OSBP2: variants seen among roughly 807,000 people sequenced by gnomAD.
The protein encoded by OSBP2 is oxysterol-binding protein 2.
OSBP2 carries 66 observed loss-of-function variants against 96.0 expected under a neutral mutation model. The ratio of observed to expected loss-of-function variants is 0.69; its 90% CI spans 0.56 to 0.84. OSBP2 has a LOEUF of 0.84. OSBP2 is among the 40% of genes least tolerant of loss of function. The probability of loss-of-function intolerance (pLI) is 0.00; values close to 1 mark genes in which losing one functional copy is unlikely to be tolerated. For missense variants in OSBP2, 1,038 were observed against 1,222.7 expected (o/e 0.85, Z 2.25); for synonymous variants, 525 against 520.9 (o/e 1.01, Z -0.11).
At chr22:30,792,648 C>T (rs1023246276) in intron 2 of OSBP2, among the ~76,000 whole-genome samples, 1 of 152,294 alleles carries the variant, frequency 6.6e-6, no homozygotes, top group East Asian at 1.9e-4. Context: ...CTGTACTCTT[C>T]GGCCAATTAT....
intron 2 of OSBP2, among the ~76,000 whole-genome samples, chr22:30,861,828 G>T (rs1365790665): frequency 2.6e-5 from 4 of 152,246 alleles, no homozygotes; most frequent in South Asian, 2.1e-4. Context: ...AGGGGCCCTC[G>T]CCGCTTCTAT....
At chr22:30,707,357 A>G (rs2089270680) in intron 1 of OSBP2, among the ~76,000 whole-genome samples, 1 of 152,186 alleles carries the variant, frequency 6.6e-6, no homozygotes, top group Admixed American at 6.5e-5. Flanking sequence ...TTGACCTCCC[A>G]AAGTGTTAGG....
chr22:30,739,693 C>T (rs914137111), intron 1 of OSBP2, among the ~76,000 whole-genome samples: 6 of 152,114 alleles, frequency 3.9e-5, no homozygotes, highest in East Asian at 3.9e-4. Flanking sequence ...GCTGCCTAGA[C>T]GGAGGCGATT....
At chr22:30,803,082 G>A in intron 2 of OSBP2, 1 of 210,298 alleles carries the variant, frequency 4.8e-6, no homozygotes, top group Non-Finnish European at 9.3e-6. Flanking sequence ...CGCGGCGGCG[G>A]GAAGGCGGCG....
intron 1 of OSBP2, among the ~76,000 whole-genome samples, chr22:30,716,368 C>T (rs556332232): frequency 5.9e-4 from 90 of 152,072 alleles, no homozygotes; most frequent in African/African-American, 2.0e-3. Flanking sequence ...GCTTGTTGAT[C>T]GTTTGTATAA....
intron 12 of OSBP2, among the ~76,000 whole-genome samples, chr22:30,904,279 ACT>A (rs776568520): frequency 1.3e-5 from 2 of 152,030 alleles, no homozygotes; most frequent in Admixed American, 6.6e-5. Context: ...AATCCACAGA[ACT>A]CTCTCTCCTT....
In OSBP2 at chr22:30,905,853, A is replaced by T; in HGVS notation, c.2392A>T (p.Met798Leu). ...KYPLPENAEN[M>L]YYFSELALTL... The stretch of plus-strand genomic sequence containing the variant: ...CCGCCACAGGGAGAACGCGGAGAAC[A>T]TGTACTACTTCTCAGAGCTGGCCCT... Residue 798 changes from methionine (M) to leucine (L), a missense_variant, in exon 13 of 14, where the codon ATG becomes TTG. Transcript: ENST00000332585. The T allele has an allele frequency of 6.2e-7, 1 of 1,613,304 alleles. No homozygotes were observed. Among genetic ancestry groups the T allele is most frequent in the Non-Finnish European group, 8.5e-7 (1 of 1,179,632 alleles).
At chr22:30,841,488 A>G (rs184431452) in intron 2 of OSBP2, among the ~76,000 whole-genome samples, 65 of 152,356 alleles carry the variant, frequency 4.3e-4, no homozygotes, top group Admixed American at 2.9e-3. Flanking sequence ...TGCTACATGT[A>G]TCAGTACTTC....
intron 2 of OSBP2, among the ~76,000 whole-genome samples, chr22:30,858,207 C>T (rs952802200): frequency 2.0e-4 from 30 of 149,076 alleles, no homozygotes; most frequent in Non-Finnish European, 3.5e-4. Flanking sequence ...ACTGCAGTGG[C>T]GCAATCTCGG....
rs199741150 is a variant in OSBP2, at chr22:30,702,434, C to T, written c.644+6881C>T. 6.6e-5 allele frequency among the ~76,000 whole-genome samples: 10 copies of T among 152,074 alleles called. No homozygotes were observed. In the East Asian group the frequency reaches 7.7e-4, roughly 12 times the overall value. ...TTTGAGACCAGCCTGACCAACATGGCGAAATCCTGTCTGTACTAAAAATAC... is the reference window on the plus strand; with the variant it reads ...TTTGAGACCAGCCTGACCAACATGGTGAAATCCTGTCTGTACTAAAAATAC... On this transcript the variant is annotated intron_variant, in intron 1 of 13. Transcript: ENST00000332585.
intron 12 of OSBP2, among the ~76,000 whole-genome samples, chr22:30,895,616 G>C (rs1045684278): frequency 6.6e-6 from 1 of 152,132 alleles, no homozygotes; most frequent in Non-Finnish European, 1.5e-5. Flanking sequence ...CGCAGCCTCG[G>C]AAGTTTTGCC....
chr22:30,753,743 A>G (rs1190456619), intron 2 of OSBP2, among the ~76,000 whole-genome samples: 1 of 152,210 alleles, frequency 6.6e-6, no homozygotes, highest in East Asian at 1.9e-4. Context: ...GAAAAGAGTT[A>G]TTATTGGACT....
In OSBP2 at chr22:30,742,115, C is replaced by T. The variant is rs987684078; in HGVS notation, c.853+746C>T. On this transcript the variant is annotated intron_variant, in intron 2 of 13. Transcript: ENST00000332585. ...GATTACAGGCATGAGCCACCGCGCC[C>T]GGCCAATAAATTTATTTTTTAAATA... Among the ~76,000 whole-genome samples, 9 of 151,780 alleles carry T rather than the reference C, an allele frequency of 5.9e-5. No individual in the cohort carries two copies. In the East Asian group the frequency reaches 5.9e-4, roughly 10 times the overall value.
Position 30,888,229 on chromosome 22 carries a change from T to A in OSBP2, c.1307T>A (p.Leu436His). Residue 436 changes from leucine (L) to histidine (H), a missense_variant, in exon 5 of 14, where the codon CTC becomes CAC. This residue lies in a region of OSBP2 where 737 missense variants were observed against 913.3 expected (regional missense o/e 0.81). Transcript: ENST00000332585. ...NPSKSFIEGS[L>H]LTPKGEDSEE... ...GCTCTGTCTGTGTCTCTAGGAAGCC[T>A]CTTGACTCCCAAAGGAGAGGACAGT... 6.2e-7 allele frequency: 1 copy of A among 1,605,332 alleles called. No homozygotes were observed. Among genetic ancestry groups the A allele is most frequent in the Non-Finnish European group, 8.5e-7 (1 of 1,172,092 alleles).
At chr22:30,825,951 T>C (rs967246354) in intron 2 of OSBP2, among the ~76,000 whole-genome samples, 3 of 152,064 alleles carry the variant, frequency 2.0e-5, no homozygotes, top group African/African-American at 4.8e-5. Flanking sequence ...GCAGCCAACA[T>C]GGGCCATCAG....
chr22:30,725,655 G>A (rs1477576555), intron 1 of OSBP2, among the ~76,000 whole-genome samples: 1 of 151,950 alleles, frequency 6.6e-6, no homozygotes, highest in Non-Finnish European at 1.5e-5. Flanking sequence ...CCCCTTTCCT[G>A]GCTGTAAAAT....
intron 2 of OSBP2, among the ~76,000 whole-genome samples, chr22:30,782,243 C>G (rs2090527876): frequency 6.6e-6 from 1 of 152,246 alleles, no homozygotes; most frequent in South Asian, 2.1e-4. Context: ...TCACCACAAT[C>G]AAGATAATGT....
intron 3 of OSBP2, among the ~76,000 whole-genome samples, chr22:30,874,612 C>T (rs913200547): frequency 6.6e-5 from 10 of 152,178 alleles, no homozygotes; most frequent in African/African-American, 1.4e-4. Context: ...GTCTGGTCCT[C>T]GCAGGGCGCT....
At chr22:30,726,078 A>G (rs1820417926) in intron 1 of OSBP2, among the ~76,000 whole-genome samples, 1 of 152,112 alleles carries the variant, frequency 6.6e-6, no homozygotes, top group African/African-American at 2.4e-5. Flanking sequence ...CCCGGCCAAA[A>G]CAGTCATGTT....
Sources: gnomAD v4.1 joint callset for allele counts (sites outside exome capture counted in the v4.1 genomes callset) on GRCh38, gnomAD v4.1.1 for gene constraint, gnomAD v4.1.1 regional missense constraint, MANE v1.5 for transcripts, NCBI Gene and HGNC (gene_info 2026-07-23, HGNC 2026-07-21) for gene names.